Variants in PAMR1 observed in about 807,000 individuals in gnomAD.
The protein encoded by PAMR1 is peptidase domain containing associated with muscle regeneration 1, also known as inactive serine protease PAMR1.
Under a neutral mutation model 81.8 loss-of-function variants are expected in PAMR1, and 88 were observed. The ratio of observed to expected loss-of-function variants is 1.08; its 90% confidence interval spans 0.91 to 1.28. The LOEUF is 1.28. Among genes scored for constraint, PAMR1 ranks in the 50% most tolerant of loss-of-function variants. The pLI, the probability that PAMR1 is intolerant of heterozygous loss-of-function variation, is 0.00. For synonymous variants in PAMR1, 336 were observed against 345.3 expected (o/e 0.97, Z 0.30); for missense variants, 935 against 919.7 (o/e 1.02, Z -0.21).
At chr11:35,486,804 T>C (rs144083149) in intron 3 of PAMR1, among the ~76,000 whole-genome samples, 168 of 152,340 alleles carry the variant, frequency 1.1e-3, no homozygotes, top group Non-Finnish European at 1.9e-3. Context: ...CATGCAAATA[T>C]TCTTTCCTTC....
chr11:35,466,713 A>T, intron 6 of PAMR1, among the ~76,000 whole-genome samples: 1 of 129,126 alleles, frequency 7.7e-6, no homozygotes, highest in Non-Finnish European at 1.6e-5. Context: ...GGCGACAGAG[A>T]GAGGCTCTAT....
intron 3 of PAMR1, among the ~76,000 whole-genome samples, chr11:35,490,822 T>C (rs1850610613): frequency 1.3e-5 from 2 of 152,248 alleles, no homozygotes; most frequent in Non-Finnish European, 2.9e-5. Context: ...GGTAGCATTA[T>C]TCTCCTTTTT....
chr11:35,527,670 A>G (rs912783702), upstream of PAMR1, among the ~76,000 whole-genome samples: 1 of 152,156 alleles, frequency 6.6e-6, no homozygotes, highest in African/African-American at 2.4e-5. Flanking sequence ...AAATAACTGT[A>G]GGCATAAGAG....
chr11:35,473,049 T>C lies in PAMR1; in HGVS notation c.494+1581A>G, dbSNP rs533541157. 4.6e-5 allele frequency among the ~76,000 whole-genome samples: 7 copies of C among 152,164 alleles called. 1 individual carries two copies. In the South Asian group the frequency reaches 1.0e-3, roughly 23 times the overall value. ...ACAGAATCTCAGTGGGAGATGGGTG[T>C]GGCTTGAAGCAGAATGGTGACAGTG... is the stretch of plus-strand genomic sequence containing the variant. On this transcript the variant is annotated intron_variant, in intron 4 of 10. Coordinates refer to ENST00000619888, the MANE Select transcript of PAMR1 (RefSeq NM_001001991.3).
intron 6 of PAMR1, among the ~76,000 whole-genome samples, chr11:35,456,737 T>G (rs1856540878): frequency 6.6e-6 from 1 of 152,144 alleles, no homozygotes; most frequent in African/African-American, 2.4e-5. Flanking sequence ...ACCCTTCAGT[T>G]TGAACAAACC....
chr11:35,513,090 T>C (rs1233889661), intron 1 of PAMR1, among the ~76,000 whole-genome samples: 2 of 152,222 alleles, frequency 1.3e-5, no homozygotes, highest in Admixed American at 1.3e-4. Flanking sequence ...GTCTTATCAG[T>C]AGTCTATTCA....
intron 1 of PAMR1, among the ~76,000 whole-genome samples, chr11:35,503,441 C>T (rs141886255): frequency 9.2e-4 from 140 of 151,964 alleles, no homozygotes; most frequent in Non-Finnish European, 1.7e-3. Flanking sequence ...AGTAGTATTG[C>T]TTTGAGTATA....
chr11:35,508,888 T>G (rs1851025228), intron 1 of PAMR1, among the ~76,000 whole-genome samples: 1 of 152,182 alleles, frequency 6.6e-6, no homozygotes, highest in Non-Finnish European at 1.5e-5. Context: ...ATGTCATTTT[T>G]TATGGCTGTG....
chr11:35,432,314 C>A lies in PAMR1; in HGVS notation c.*42G>T. 6.5e-7 allele frequency: 1 copy of A among 1,549,016 alleles called. No homozygotes were observed. Among genetic ancestry groups the A allele is most frequent in the African/African-American group, 1.3e-5 (1 of 74,120 alleles). ...CTTCACGCAATGACACACGTACAGA[C>A]GGATATACAGAAACACTTCTCAAGG... On this transcript the variant is annotated 3_prime_UTR_variant, in exon 11 of 11. Coordinates refer to ENST00000619888, the MANE Select transcript of PAMR1 (RefSeq NM_001001991.3).
At chr11:35,487,855 T>C (rs767742549) in intron 3 of PAMR1, among the ~76,000 whole-genome samples, 4 of 152,218 alleles carry the variant, frequency 2.6e-5, no homozygotes, top group Non-Finnish European at 5.9e-5. Context: ...TCAGTTTCAT[T>C]ATCTATAAAA....
intron 10 of PAMR1, among the ~76,000 whole-genome samples, chr11:35,433,444 T>C (rs991038105): frequency 6.6e-6 from 1 of 152,210 alleles, no homozygotes; most frequent in African/African-American, 2.4e-5. Context: ...TCCCTGATTT[T>C]CCCAGTCCTT....
chr11:35,443,446 G>A (rs996148904), intron 6 of PAMR1, among the ~76,000 whole-genome samples: 2 of 152,118 alleles, frequency 1.3e-5, no homozygotes, highest in African/African-American at 4.8e-5. Context: ...ACTTATGAGT[G>A]AGAACATCCA....
chr11:35,496,736 G>A (rs923318072), intron 1 of PAMR1, among the ~76,000 whole-genome samples: 1 of 152,198 alleles, frequency 6.6e-6, no homozygotes, highest in Non-Finnish European at 1.5e-5. Flanking sequence ...GAATTGCCCA[G>A]CAATTACACT....
At chr11:35,443,611 T>A (rs1856227526) in intron 6 of PAMR1, among the ~76,000 whole-genome samples, 1 of 152,236 alleles carries the variant, frequency 6.6e-6, no homozygotes, top group South Asian at 2.1e-4. Context: ...AGTCTATCAT[T>A]GATGGTCATT....
chr11:35,448,594 A>G (rs929326693), intron 6 of PAMR1, among the ~76,000 whole-genome samples: 4 of 152,110 alleles, frequency 2.6e-5, no homozygotes, highest in African/African-American at 9.7e-5. Context: ...TTACTCCTTT[A>G]GCTCATCAAA....
chr11:35,482,237 T>C (rs1850410250), intron 3 of PAMR1, among the ~76,000 whole-genome samples: 1 of 152,210 alleles, frequency 6.6e-6, no homozygotes, highest in Non-Finnish European at 1.5e-5. Flanking sequence ...GGGGTCCAGT[T>C]TGAGTTTTCT....
intron 6 of PAMR1, among the ~76,000 whole-genome samples, chr11:35,454,361 C>G (rs7943580): frequency 6.6e-6 from 1 of 151,988 alleles, no homozygotes; most frequent in Non-Finnish European, 1.5e-5. Context: ...TAGGCAATGA[C>G]TGATGGATAT....
chr11:35,460,265 A>G (rs1238546819), intron 6 of PAMR1, among the ~76,000 whole-genome samples: 1 of 151,774 alleles, frequency 6.6e-6, no homozygotes, highest in Non-Finnish European at 1.5e-5. Flanking sequence ...CTTGTTTCCA[A>G]CAGAAGTTAA....
intron 7 of PAMR1, among the ~76,000 whole-genome samples, chr11:35,439,943 G>A (rs368900797): frequency 3.5e-4 from 54 of 152,190 alleles, no homozygotes; most frequent in African/African-American, 1.2e-3. Context: ...TGCCCCACCT[G>A]AGTGATTTGG....
Sources: allele counts gnomAD v4.1 joint callset (sites outside exome capture counted in the v4.1 genomes callset), GRCh38; gene constraint gnomAD v4.1.1; transcripts MANE v1.5; gene names NCBI Gene and HGNC (gene_info 2026-07-23, HGNC 2026-07-21).